The following HK2 variants were observed in gnomAD, a reference collection of about 807,000 sequenced individuals.
HK2 encodes the protein hexokinase 2.
In HK2, 42 loss-of-function variants were observed where a neutral mutation model predicts 92.9. The ratio of observed to expected loss-of-function variants is 0.45; its 90% confidence interval spans 0.35 to 0.58. HK2 has a LOEUF of 0.58. Ranked by LOEUF, HK2 falls within the 20% of genes least tolerant of loss-of-function variation. HK2 has a pLI of 0.00. For missense variants in HK2, 978 were observed against 1,245.1 expected, an observed-to-expected ratio of 0.79 and a Z score of 3.23; for synonymous variants, 422 against 468.0, an observed-to-expected ratio of 0.90 and a Z score of 1.27.
At position 74,890,889 on chromosome 2, in the gene HK2, C is replaced by T. The variant is rs755192652; in HGVS notation, c.2702C>T (p.Ala901Val). The change falls in exon 18 of 18, where the codon GCG (alanine) becomes GTG (valine). Residue 901 changes from alanine (A) to valine (V), a missense_variant. Coordinates refer to ENST00000290573, the MANE Select transcript of HK2 (RefSeq NM_000189.5). ...LQSEDGSGKG[A>V]ALITAVACRI... Reference sequence around the variant, plus strand: ...TCAGAGGATGGCAGCGGGAAGGGGGCGGCGCTCATCACTGCTGTGGCCTGC... The same window carrying T: ...TCAGAGGATGGCAGCGGGAAGGGGGTGGCGCTCATCACTGCTGTGGCCTGC... 1.7e-5 allele frequency: 28 copies of T among 1,614,086 alleles called. No individual in the cohort carries two copies. The highest frequency in any genetic ancestry group is 1.3e-4 in the African/African-American group (10 of 74,926).
chr2:74,874,169 A>G (rs1294165353), intron 6 of HK2, 97 bp from the exon 7 acceptor site: 29 of 1,499,304 alleles, frequency 1.9e-5, no homozygotes, highest in Non-Finnish European at 2.3e-5. Flanking sequence ...AATCCCAGCC[A>G]TCCTGGCCGG....
intron 3 of HK2, among the ~76,000 whole-genome samples, chr2:74,870,649 T>C (rs1385087597): frequency 1.3e-5 from 2 of 151,342 alleles, no homozygotes; most frequent in African/African-American, 2.4e-5. Context: ...ATTTGTTTAA[T>C]ATACGTATCA....
chr2:74,854,479 T>A (rs1558791983), intron 2 of HK2, 24 bp downstream of exon 2: 1 of 1,613,754 alleles, frequency 6.2e-7, no homozygotes, highest in East Asian at 2.2e-5. Flanking sequence ...GGGATGGCTC[T>A]AGCTGCTGCG....
At chr2:74,859,313 A>G (rs946734052) in intron 2 of HK2, among the ~76,000 whole-genome samples, 3 of 152,226 alleles carry the variant, frequency 2.0e-5, no homozygotes, top group Non-Finnish European at 4.4e-5. Flanking sequence ...TAGTAACTAG[A>G]GTTCAATATT....
intron 12 of HK2, among the ~76,000 whole-genome samples, chr2:74,882,937 TCTC>T (rs2103998347): frequency 6.6e-6 from 1 of 152,124 alleles, no homozygotes; most frequent in South Asian, 2.1e-4. Context: ...CCCTGGCTCT[TCTC>T]TGGTCTCATC....
intron 5 of HK2, 102 bp from the exon 6 acceptor site, chr2:74,873,742 A>AGAGAAGGAG: frequency 1.5e-6 from 1 of 667,724 alleles, no homozygotes; most frequent in South Asian, 1.5e-5. Context: ...GGGGAGAGAG[A>AGAGAAGGAG]GAGAAGGAGG....
intron 2 of HK2, among the ~76,000 whole-genome samples, chr2:74,856,477 G>A (rs1295032654): frequency 6.6e-6 from 1 of 151,992 alleles, no homozygotes; most frequent in Non-Finnish European, 1.5e-5. Flanking sequence ...CCTCTGACTG[G>A]AAACCACACC....
intron 1 of HK2, among the ~76,000 whole-genome samples, chr2:74,841,628 A>G (rs763591766): frequency 7.9e-5 from 12 of 152,198 alleles, no homozygotes; most frequent in Admixed American, 1.3e-4. Context: ...GATGAGGTCT[A>G]CAGTTCACAG....
chr2:74,877,370 G>C, intron 8 of HK2, 49 bp downstream of exon 8: 1 of 1,606,792 alleles, frequency 6.2e-7, no homozygotes, highest in Admixed American at 1.7e-5. Flanking sequence ...CACACGAGTT[G>C]ACGGGTAGTT....
In HK2 at chr2:74,860,535, CTTTTTTTATTTGTCA is replaced by C. The variant is rs543413598; in HGVS notation, c.226+6082_226+6096del. Among the ~76,000 whole-genome samples the C allele has an allele frequency of 3.3e-5, 5 of 152,192 alleles. No homozygotes were observed. In the South Asian group the frequency reaches 1.0e-3, roughly 32 times the overall value. On this transcript the variant is annotated intron_variant, in intron 2 of 17. Transcript: ENST00000290573. ...CACAGTATTTGTTTTTTATGCAAGT[CTTTTTTTATTTGTCA>C]TAATGTGGGATTTATCTGTGTTGTG...
intron 9 of HK2, 50 bp from the exon 10 acceptor site, chr2:74,880,215 T>C (rs763176487): frequency 5.0e-6 from 8 of 1,601,006 alleles, no homozygotes; most frequent in Non-Finnish European, 6.0e-6. Context: ...ATTTGCACCA[T>C]TGACCCTAAC....
chr2:74,851,060 A>G (rs1196174947), intron 1 of HK2, among the ~76,000 whole-genome samples: 1 of 151,816 alleles, frequency 6.6e-6, no homozygotes, highest in Non-Finnish European at 1.5e-5. Flanking sequence ...TGGAGAGGAA[A>G]ATAAGGTCCC....
chr2:74,863,818 A>G (rs1026662829), intron 2 of HK2, among the ~76,000 whole-genome samples: 3 of 152,222 alleles, frequency 2.0e-5, no homozygotes, highest in African/African-American at 7.2e-5. Flanking sequence ...TAGGGCAGAA[A>G]GGGCAGGTCC....
chr2:74,848,010 G>A (rs1480419569), intron 1 of HK2, among the ~76,000 whole-genome samples: 1 of 152,224 alleles, frequency 6.6e-6, no homozygotes, highest in Non-Finnish European at 1.5e-5. Context: ...ATGTAATGTT[G>A]TGAAGGTGAG....
chr2:74,847,924 G>A (rs982608637), intron 1 of HK2, among the ~76,000 whole-genome samples: 6 of 152,206 alleles, frequency 3.9e-5, no homozygotes, highest in Non-Finnish European at 5.9e-5. Flanking sequence ...TGGTGCAGTG[G>A]TCTTTATAGT....
At chr2:74,835,566 C>T (rs1334536179) in intron 1 of HK2, among the ~76,000 whole-genome samples, 1 of 152,146 alleles carries the variant, frequency 6.6e-6, no homozygotes, top group African/African-American at 2.4e-5. Flanking sequence ...GAGCCTCAGG[C>T]CAAGCCGGGA....
chr2:74,838,631 C>T (rs183266832), intron 1 of HK2, among the ~76,000 whole-genome samples: 3,349 of 151,770 alleles, frequency 0.022, 59 homozygotes, highest in Non-Finnish European at 0.031. Flanking sequence ...CTCCACCTCC[C>T]GGGTTCACGC....
chr2:74,887,680 C>T (rs1689571609), intron 15 of HK2, among the ~76,000 whole-genome samples: 1 of 151,996 alleles, frequency 6.6e-6, no homozygotes, highest in Non-Finnish European at 1.5e-5. Flanking sequence ...AGGAGCCCCA[C>T]GGGCCTCGGG....
Position 74,877,254 on chromosome 2 carries a change from G to A in HK2, c.964G>A (p.Gly322Arg). ...KMAKEELLFG[G>R]KLSPELLNTG... ...GGCCAAGGAGGAGCTGCTCTTTGGG[G>A]GGAAGCTCAGCCCAGAGCTTCTCAA... is the stretch of plus-strand genomic sequence containing the variant. The change falls in exon 8 of 18, where the codon GGG becomes AGG. Residue 322 changes from glycine to arginine, a missense_variant. Transcript: ENST00000290573. The A allele has an allele frequency of 1.2e-6, 2 of 1,614,170 alleles. No homozygotes were observed. The highest frequency in any genetic ancestry group is 1.7e-6 in the Non-Finnish European group (2 of 1,180,030).
Sources: allele counts gnomAD v4.1 joint callset (sites outside exome capture counted in the v4.1 genomes callset), GRCh38; gene constraint gnomAD v4.1.1; transcripts MANE v1.5; gene names NCBI Gene and HGNC (gene_info 2026-07-23, HGNC 2026-07-21).